The following SNTB1 variants were observed in gnomAD, a reference collection of about 807,000 sequenced individuals.
The protein encoded by SNTB1 is beta-1-syntrophin.
Under a neutral mutation model 48.9 loss-of-function variants are expected in SNTB1, and 36 were observed. The observed-to-expected ratio is 0.74, with a 90% confidence interval of 0.56 to 0.97. SNTB1 has a LOEUF of 0.97. Ranked by LOEUF, SNTB1 falls within the 50% of genes least tolerant of loss-of-function variation. The pLI, the probability that SNTB1 is intolerant of heterozygous loss-of-function variation, is 0.00. For synonymous variants in SNTB1, 299 were observed against 294.6 expected, an observed-to-expected ratio of 1.01 and a Z score of -0.15; for missense variants, 786 against 703.4, an observed-to-expected ratio of 1.12 and a Z score of -1.33.
intron 1 of SNTB1, among the ~76,000 whole-genome samples, chr8:120,804,074 ATACCAT>A: frequency 6.6e-6 from 1 of 152,274 alleles, no homozygotes; most frequent in African/African-American, 2.4e-5. Context: ...AGCTTTCATT[ATACCAT>A]GTCTAATGTT....
intron 2 of SNTB1, among the ~76,000 whole-genome samples, chr8:120,656,046 G>GT (rs951172216): frequency 1.8e-4 from 27 of 151,952 alleles, no homozygotes; most frequent in African/African-American, 4.1e-4. Flanking sequence ...TGTTGAGCCT[G>GT]TTTTTTTTGA....
intron 3 of SNTB1, among the ~76,000 whole-genome samples, chr8:120,588,311 A>G (rs2130704222): frequency 6.6e-6 from 1 of 152,264 alleles, no homozygotes; most frequent in African/African-American, 2.4e-5. Flanking sequence ...GTCAGACACC[A>G]TAATACCATT....
chr8:120,788,059 T>C (rs920302524), intron 1 of SNTB1, among the ~76,000 whole-genome samples: 3 of 152,140 alleles, frequency 2.0e-5, no homozygotes, highest in Non-Finnish European at 2.9e-5. Context: ...CTAGAAGGGA[T>C]TGGGGTCCTA....
At chr8:120,632,736 C>A in intron 2 of SNTB1, 85 bp from the exon 3 acceptor site, 4 of 1,108,584 alleles carry the variant, frequency 3.6e-6, no homozygotes, top group Admixed American at 2.0e-5. Context: ...TGAATTAATT[C>A]TTTACTCCTT....
intron 4 of SNTB1, among the ~76,000 whole-genome samples, chr8:120,568,888 A>G (rs563263497): frequency 6.6e-6 from 1 of 152,338 alleles, no homozygotes; most frequent in South Asian, 2.1e-4. Context: ...TGGGAGAGGG[A>G]CAGTGAGTTG....
chr8:120,647,146 T>C (rs1244390329), intron 2 of SNTB1, among the ~76,000 whole-genome samples: 2 of 137,776 alleles, frequency 1.5e-5, no homozygotes, highest in African/African-American at 2.7e-5. Context: ...TTTGAAGGGT[T>C]TTTTGTGTCT....
chr8:120,604,562 T>C (rs1563829364), intron 3 of SNTB1, among the ~76,000 whole-genome samples: 3 of 151,982 alleles, frequency 2.0e-5, no homozygotes, highest in Non-Finnish European at 2.9e-5. Context: ...CAGGCAATTC[T>C]GCCTCAGCCT....
chr8:120,566,085 T>C (rs955228807), intron 4 of SNTB1, among the ~76,000 whole-genome samples: 20 of 152,018 alleles, frequency 1.3e-4, no homozygotes, highest in African/African-American at 4.6e-4. Flanking sequence ...AATACAAAAT[T>C]AGCCGGTGTC....
intron 2 of SNTB1, among the ~76,000 whole-genome samples, chr8:120,686,260 T>C (rs1446787841): frequency 6.6e-6 from 1 of 152,238 alleles, no homozygotes; most frequent in Non-Finnish European, 1.5e-5. Flanking sequence ...CAATTCTGTA[T>C]CAATTTCTTA....
chr8:120,558,393 C>T (rs533117802), intron 4 of SNTB1, among the ~76,000 whole-genome samples: 5 of 152,316 alleles, frequency 3.3e-5, no homozygotes, highest in Admixed American at 2.6e-4. Flanking sequence ...GCTGAATTCA[C>T]ACCCAGTTTC....
At chr8:120,567,147 CCTT>C (rs1385992991) in intron 4 of SNTB1, among the ~76,000 whole-genome samples, 2 of 152,162 alleles carry the variant, frequency 1.3e-5, no homozygotes, top group Non-Finnish European at 2.9e-5. Flanking sequence ...AGGAATAAAA[CCTT>C]AACCTTATGG....
intron 2 of SNTB1, among the ~76,000 whole-genome samples, chr8:120,693,209 G>A (rs1310014575): frequency 6.6e-6 from 1 of 152,146 alleles, no homozygotes; most frequent in Non-Finnish European, 1.5e-5. Flanking sequence ...CTGCCCCCAT[G>A]ACCCAAACAC....
chr8:120,810,348 C>T (rs1012269109), intron 1 of SNTB1, among the ~76,000 whole-genome samples: 3 of 152,326 alleles, frequency 2.0e-5, no homozygotes, highest in African/African-American at 7.2e-5. Flanking sequence ...CCTTCTCCCC[C>T]ACATAACTCA....
chr8:120,798,991 C>A, intron 1 of SNTB1, among the ~76,000 whole-genome samples: 1 of 152,176 alleles, frequency 6.6e-6, no homozygotes, highest in Admixed American at 6.5e-5. Context: ...GGAGTACACA[C>A]AGCCCTCATA....
At chr8:120,805,251 G>T (rs561156761) in intron 1 of SNTB1, among the ~76,000 whole-genome samples, 1 of 152,016 alleles carries the variant, frequency 6.6e-6, no homozygotes, top group Non-Finnish European at 1.5e-5. Flanking sequence ...ACACACCCAC[G>T]TCCTGGTCTT....
At chr8:120,580,167 T>C (rs2130693276) in intron 3 of SNTB1, among the ~76,000 whole-genome samples, 1 of 152,330 alleles carries the variant, frequency 6.6e-6, no homozygotes, top group East Asian at 1.9e-4. Flanking sequence ...ACTCTTTTCC[T>C]GAGGCAAAAA....
At chr8:120,591,214 C>T (rs1816235610) in intron 3 of SNTB1, among the ~76,000 whole-genome samples, 1 of 152,222 alleles carries the variant, frequency 6.6e-6, no homozygotes, top group Non-Finnish European at 1.5e-5. Context: ...CCAAACTCCT[C>T]CTCAAGAACA....
intron 1 of SNTB1, among the ~76,000 whole-genome samples, chr8:120,721,538 C>T (rs1338464142): frequency 6.6e-6 from 1 of 152,150 alleles, no homozygotes; most frequent in Non-Finnish European, 1.5e-5. Context: ...TTGAATGAGC[C>T]TTACTACTCT....
intron 2 of SNTB1, among the ~76,000 whole-genome samples, chr8:120,670,055 A>T: frequency 6.6e-6 from 1 of 152,202 alleles, no homozygotes; most frequent in East Asian, 1.9e-4. Flanking sequence ...CCTAGAAAGT[A>T]TAGGTCTAGC....
Sources: gnomAD v4.1 joint callset for allele counts (sites outside exome capture counted in the v4.1 genomes callset) on GRCh38, gnomAD v4.1.1 for gene constraint, MANE v1.5 for transcripts, NCBI Gene and HGNC (gene_info 2026-07-23, HGNC 2026-07-21) for gene names.